CRYL1: variants seen among roughly 807,000 people sequenced by gnomAD.
CRYL1 encodes lambda-crystallin homolog.
Under a neutral mutation model 36.6 loss-of-function variants are expected in CRYL1, and 29 were observed. The observed-to-expected ratio is 0.79, with a 90% CI of 0.59 to 1.08. CRYL1 has a LOEUF of 1.08. Among genes scored for constraint, CRYL1 ranks in the 50% least tolerant of loss-of-function variants. CRYL1 has a pLI of 0.00. For synonymous variants in CRYL1, 152 were observed against 151.5 expected, an observed-to-expected ratio of 1.00 and a Z score of -0.02; for missense variants, 411 against 407.9, an observed-to-expected ratio of 1.01 and a Z score of -0.06.
At chr13:20,520,662 C>A (rs189567369) in intron 1 of CRYL1, among the ~76,000 whole-genome samples, 142 of 152,240 alleles carry the variant, frequency 9.3e-4, no homozygotes, top group African/African-American at 3.3e-3. Flanking sequence ...TCTTTTCCCC[C>A]ACCCCTTCAC....
At chr13:20,456,780 T>G (rs2032702816) in intron 3 of CRYL1, among the ~76,000 whole-genome samples, 3 of 152,262 alleles carry the variant, frequency 2.0e-5, no homozygotes, top group South Asian at 4.1e-4. Context: ...ATGGCCTTTC[T>G]GCACCTTCCT....
chr13:20,482,703 G>A (rs1208818964), intron 3 of CRYL1, among the ~76,000 whole-genome samples: 1 of 152,046 alleles, frequency 6.6e-6, no homozygotes, highest in Non-Finnish European at 1.5e-5. Flanking sequence ...ATCCGACAGT[G>A]GGATTATTTT....
At chr13:20,484,660 T>A (rs1279636792) in intron 3 of CRYL1, among the ~76,000 whole-genome samples, 2 of 151,988 alleles carry the variant, frequency 1.3e-5, no homozygotes, top group African/African-American at 4.8e-5. Context: ...CCCGAGCACA[T>A]CGTACAGCAG....
At chr13:20,439,948 T>G in intron 3 of CRYL1, 194 bp from the exon 4 acceptor site, 2 of 544,820 alleles carry the variant, frequency 3.7e-6, no homozygotes, top group Non-Finnish European at 6.5e-6. Context: ...CCTTCTGCTC[T>G]CTCCTCCCCT....
At chr13:20,465,568 C>G (rs760473171) in intron 3 of CRYL1, among the ~76,000 whole-genome samples, 2 of 152,122 alleles carry the variant, frequency 1.3e-5, no homozygotes, top group Non-Finnish European at 1.5e-5. Flanking sequence ...AGGACAATGA[C>G]AATTAATCCT....
chr13:20,418,334 G>A (rs2031721642), intron 5 of CRYL1: 2 of 152,174 alleles, frequency 1.3e-5, no homozygotes, highest in African/African-American at 2.4e-5. Flanking sequence ...ATGGGGAGAA[G>A]AGGAAGCAAG....
At chr13:20,431,160 CT>C (rs1422824067) in intron 5 of CRYL1, 2 of 985,274 alleles carry the variant, frequency 2.0e-6, no homozygotes, top group African/African-American at 3.5e-5. Context: ...GGAAGAACTG[CT>C]GGGAAATTGA....
chr13:20,410,081 C>T (rs2031478775), intron 6 of CRYL1, among the ~76,000 whole-genome samples: 1 of 151,884 alleles, frequency 6.6e-6, no homozygotes, highest in African/African-American at 2.4e-5. Context: ...GATACATGCA[C>T]ACGTATGTTT....
At chr13:20,472,678 C>T (rs747686264) in intron 3 of CRYL1, among the ~76,000 whole-genome samples, 30 of 152,218 alleles carry the variant, frequency 2.0e-4, no homozygotes, top group Non-Finnish European at 3.1e-4. Context: ...AAGGACAGCG[C>T]GTGGCCCTCT....
At chr13:20,524,897 T>G (rs533565111) in intron 1 of CRYL1, among the ~76,000 whole-genome samples, 1 of 151,700 alleles carries the variant, frequency 6.6e-6, no homozygotes, top group Admixed American at 6.6e-5. Flanking sequence ...GGCCAACACC[T>G]CAACAGCAGT....
At chr13:20,429,739 G>A (rs560914639) in intron 5 of CRYL1, among the ~76,000 whole-genome samples, 4 of 152,088 alleles carry the variant, frequency 2.6e-5, no homozygotes, top group Non-Finnish European at 5.9e-5. Flanking sequence ...GCTACTTCAC[G>A]AACAAGGTCA....
At chr13:20,456,299 C>A (rs2032680513) in intron 3 of CRYL1, among the ~76,000 whole-genome samples, 1 of 151,778 alleles carries the variant, frequency 6.6e-6, no homozygotes, top group South Asian at 2.1e-4. Flanking sequence ...CATGACAAAA[C>A]CCTGTCTCTA....
rs2031902032 is a variant in CRYL1, at chr13:20,425,028, G to A, written c.633+7074C>T. 5.3e-5 allele frequency among the ~76,000 whole-genome samples: 8 copies of A among 152,222 alleles called. No individual in the cohort carries two copies. In the South Asian group the frequency reaches 1.7e-3, roughly 32 times the overall value. On this transcript the variant is annotated intron_variant, in intron 5 of 7. Transcript: ENST00000298248. This position sits in a 1 kb window ranked among gnomAD's most constrained non-coding sequence, Gnocchi z 4.4. ...TGGGCCCATCGCTCTATGTGACTTCGTGCCAAGACCACACAGATGTTGCCA... is the reference window on the plus strand; with the variant it reads ...TGGGCCCATCGCTCTATGTGACTTCATGCCAAGACCACACAGATGTTGCCA...
intron 3 of CRYL1, among the ~76,000 whole-genome samples, chr13:20,456,876 C>A (rs2032705083): frequency 7.0e-6 from 1 of 142,726 alleles, no homozygotes; most frequent in Admixed American, 7.1e-5. Context: ...GATGAAGGAC[C>A]AGCACCAGTC....
chr13:20,519,692 T>C (rs1280758046), intron 1 of CRYL1, among the ~76,000 whole-genome samples: 3 of 152,132 alleles, frequency 2.0e-5, no homozygotes, highest in Admixed American at 6.5e-5. Context: ...AATTCTTCAG[T>C]AGATAAACGG....
In CRYL1 at chr13:20,481,226, A is replaced by G. The variant is rs2033269827; in HGVS notation, c.276+8144T>C. 6.6e-6 allele frequency among the ~76,000 whole-genome samples: 1 copy of G among 152,222 alleles called. No homozygotes were observed. The highest frequency in any genetic ancestry group is 6.5e-5 in the Admixed American group (1 of 15,282). ...GGTGGGCTTGCCCCAGTCCATCCAG[A>G]GTCCCACGCACCTTAGTAATGTCAT... is the stretch of plus-strand genomic sequence containing the variant. On this transcript the variant is annotated intron_variant, in intron 3 of 7. Transcript: ENST00000298248. The surrounding 1 kb of genome is among the most constrained non-coding windows in gnomAD (Gnocchi z 4.1).
At chr13:20,489,315 G>A in intron 3 of CRYL1, 55 bp downstream of exon 3, 3 of 1,605,120 alleles carry the variant, frequency 1.9e-6, no homozygotes, top group South Asian at 1.1e-5. Context: ...CTCCGGAGAG[G>A]CTGGGAGACA....
Position 20,462,180 on chromosome 13 carries a change from TAGTGGGAGGAC to T in CRYL1, c.277-22437_277-22427del, listed in dbSNP as rs1232827057. ...GAAGGGATAAGGTGGCAGGACGACC[TAGTGGGAGGAC>T]GACCTAGTGGGAGGAGGGGGCAGGA... is the stretch of plus-strand genomic sequence containing the variant. On this transcript the variant is annotated intron_variant, in intron 3 of 7. Transcript: ENST00000298248. 3.5e-3 allele frequency among the ~76,000 whole-genome samples: 12 copies of T among 3,404 alleles called. 1 individual carries two copies. The highest frequency in any genetic ancestry group is 7.7e-3 in the East Asian group (1 of 130). 2.2% of individuals were successfully genotyped at this position (3,404 alleles called of 152,430 possible).
intron 3 of CRYL1, among the ~76,000 whole-genome samples, chr13:20,458,414 C>T (rs1421418252): frequency 6.6e-6 from 1 of 152,110 alleles, no homozygotes; most frequent in African/African-American, 2.4e-5. Flanking sequence ...TTTCTGGAGC[C>T]GTGGACCCTT....
Sources: gnomAD v4.1 joint callset for allele counts (sites outside exome capture counted in the v4.1 genomes callset) on GRCh38, gnomAD v4.1.1 for gene constraint, Gnocchi (gnomAD v3.1) non-coding constraint, MANE v1.5 for transcripts, NCBI Gene and HGNC (gene_info 2026-07-23, HGNC 2026-07-21) for gene names.